NDC80: variants seen among roughly 807,000 people sequenced by gnomAD.
NDC80 encodes kinetochore protein NDC80 homolog.
NDC80 carries 69 observed loss-of-function variants against 89.3 expected under a neutral mutation model. The ratio of observed to expected loss-of-function variants is 0.77; its 90% confidence interval spans 0.64 to 0.94. The LOEUF (loss-of-function observed/expected upper bound fraction) is 0.94, where lower values mean the gene tolerates loss of function less well. NDC80 is among the 40% of genes least tolerant of loss of function. The probability of loss-of-function intolerance (pLI) is 0.00; values close to 1 mark genes in which losing one functional copy is unlikely to be tolerated. For synonymous variants in NDC80, 243 were observed against 255.6 expected, an observed-to-expected ratio of 0.95 and a Z score of 0.47; for missense variants, 593 against 739.6, an observed-to-expected ratio of 0.80 and a Z score of 2.30.
intron 14 of NDC80, among the ~76,000 whole-genome samples, chr18:2,607,943 T>A (rs1170745111): frequency 2.1e-5 from 3 of 140,308 alleles, no homozygotes; most frequent in Non-Finnish European, 4.6e-5. Flanking sequence ...TCTATTGTGT[T>A]TTTATTTTAC....
In NDC80 at chr18:2,610,835, G is replaced by T. The variant is rs1409981335; in HGVS notation, c.1765G>T (p.Val589Phe). The T allele has an allele frequency of 6.9e-6, 11 of 1,584,110 alleles. No individual in the cohort carries two copies. The highest frequency in any genetic ancestry group is 9.5e-6 in the Non-Finnish European group (11 of 1,159,136). Residue 589 changes from valine to phenylalanine, a missense_variant, in exon 16 of 17, where the codon GTT (valine) becomes TTT (phenylalanine). Coordinates refer to ENST00000261597, the MANE Select transcript of NDC80 (RefSeq NM_006101.3). ...GNNLQRLLEMVATHVGSVEKH... is the reference protein window; with the variant it reads ...GNNLQRLLEMFATHVGSVEKH... ...TAACTTGCAACGTCTGTTAGAGATG[G>T]TTGCTACACATGTTGGGTCTGTAGA...
chr18:2,605,274 A>ATGTG (rs60324126), intron 13 of NDC80, among the ~76,000 whole-genome samples: 3,776 of 127,024 alleles, frequency 0.03, 67 homozygotes, highest in Non-Finnish European at 0.037. Flanking sequence ...GGCTATATGT[A>ATGTG]TGTGTGTGTG....
At chr18:2,610,280 A>C (rs1200059343) in intron 15 of NDC80, among the ~76,000 whole-genome samples, 5 of 152,188 alleles carry the variant, frequency 3.3e-5, no homozygotes, top group African/African-American at 1.2e-4. Context: ...AAAATTTTCT[A>C]TTTTGAGATT....
chr18:2,605,785 C>G (rs1315455081), intron 13 of NDC80, among the ~76,000 whole-genome samples: 1 of 152,046 alleles, frequency 6.6e-6, no homozygotes, highest in Non-Finnish European at 1.5e-5. Context: ...ACAGTTTCCT[C>G]TTGGTATAGC....
At chr18:2,604,049 A>G (rs559415677) in intron 13 of NDC80, among the ~76,000 whole-genome samples, 20 of 152,302 alleles carry the variant, frequency 1.3e-4, no homozygotes, top group Non-Finnish European at 2.1e-4. Flanking sequence ...TAAATATTTG[A>G]AACTGAAATT....
rs1160070723 is a variant in NDC80 at position 2,606,940 on chromosome 18, G to A, written c.1557+433G>A. Among the ~76,000 whole-genome samples, 7 of 151,954 alleles carry A rather than the reference G, an allele frequency of 4.6e-5. No individual in the cohort carries two copies. The South Asian group carries it at 6.2e-4, about 14-fold the overall frequency. Reference sequence around the variant, plus strand: ...TGGTCAAATTCCAAAGACTGTTTACGTGCAATCTAGAAGGTGGGTAAAATA... The same window carrying A: ...TGGTCAAATTCCAAAGACTGTTTACATGCAATCTAGAAGGTGGGTAAAATA... On this transcript the variant is annotated intron_variant, in intron 14 of 16. Coordinates refer to ENST00000261597, the MANE Select transcript of NDC80 (RefSeq NM_006101.3).
At position 2,603,351 on chromosome 18, in the gene NDC80, T is replaced by TTATATATATATATATATATATATATATA. The variant is rs1179070812; in HGVS notation, c.1464+1870_1464+1871insTATATATATATATATATATATATATATA. ...TGGAGAACAACAGAAGAGAATATGTTTATACATATATATATATATATATAT... is the reference window on the plus strand; with the variant it reads ...TGGAGAACAACAGAAGAGAATATGTTTATATATATATATATATATATATATATATATACATATATATATATATATATAT... On this transcript the variant is annotated intron_variant, in intron 13 of 16. Coordinates refer to ENST00000261597, the MANE Select transcript of NDC80 (RefSeq NM_006101.3). Among the ~76,000 whole-genome samples the TTATATATATATATATATATATATATATA allele has an allele frequency of 3.7e-4, 30 of 80,916 alleles. 1 individual carries two copies. Among genetic ancestry groups the TTATATATATATATATATATATATATATA allele is most frequent in the African/African-American group, 1.4e-3 (28 of 19,920 alleles). 53.1% of individuals were successfully genotyped at this position (80,916 alleles called of 152,430 possible). A position where few individuals can be genotyped will look rare whatever the true frequency, so the allele number is the denominator to read the frequency against.
In NDC80 at chr18:2,607,838, A is replaced by G. The variant is rs181671455; in HGVS notation, c.1558-862A>G. Among the ~76,000 whole-genome samples the G allele has an allele frequency of 6.1e-3, 906 of 149,372 alleles. 13 individuals are homozygous for G. The highest frequency in any genetic ancestry group is 0.022 in the African/African-American group (858 of 39,800). The stretch of plus-strand genomic sequence containing the variant: ...AGATATACAAACATATATTTTTTTA[A>G]TGGTACCAAATTATACATAGTTTTT... On this transcript the variant is annotated intron_variant, in intron 14 of 16. Coordinates refer to ENST00000261597, the MANE Select transcript of NDC80 (RefSeq NM_006101.3).
At chr18:2,578,227 C>A in intron 5 of NDC80, 86 bp downstream of exon 5, 1 of 1,324,348 alleles carries the variant, frequency 7.6e-7, no homozygotes, top group Non-Finnish European at 1.0e-6. Context: ...GTTTGAGTTA[C>A]AGAAATAATA....
intron 6 of NDC80, among the ~76,000 whole-genome samples, chr18:2,581,264 G>A (rs1366896082): frequency 1.3e-5 from 2 of 152,100 alleles, no homozygotes; most frequent in Non-Finnish European, 2.9e-5. Flanking sequence ...GCTTCTTTGT[G>A]CTGTGTTTAA....
At chr18:2,572,403 T>C (rs548156209) in intron 1 of NDC80, among the ~76,000 whole-genome samples, 2 of 152,276 alleles carry the variant, frequency 1.3e-5, no homozygotes, top group African/African-American at 4.8e-5. Context: ...ATAGACCATT[T>C]TATGGACCGG....
chr18:2,607,997 A>ATATATATATG (rs1017573956), intron 14 of NDC80, among the ~76,000 whole-genome samples: 1 of 133,330 alleles, frequency 7.5e-6, no homozygotes, highest in African/African-American at 2.8e-5. Context: ...ATATATATAT[A>ATATATATATG]TAACTTATTT....
intron 1 of NDC80, 86 bp from the exon 2 acceptor site, chr18:2,572,891 T>C (rs766117106): frequency 3.4e-5 from 31 of 922,184 alleles, no homozygotes; most frequent in Non-Finnish European, 5.0e-5. Flanking sequence ...GAAACCTGAC[T>C]GTCTTTCTGT....
chr18:2,602,815 G>A (rs2072690929), intron 13 of NDC80, among the ~76,000 whole-genome samples: 3 of 152,092 alleles, frequency 2.0e-5, no homozygotes. Context: ...AAACCCTTTG[G>A]GCTACAGGAA....
chr18:2,573,106 T>C lies in NDC80; in HGVS notation c.101+20T>C. 6.3e-7 allele frequency: 1 copy of C among 1,576,768 alleles called. No homozygotes were observed. Among genetic ancestry groups the C allele is most frequent in the Non-Finnish European group, 8.7e-7 (1 of 1,152,766 alleles). On this transcript the variant is annotated intron_variant, in intron 2 of 16. Transcript: ENST00000261597. ...TCAAACGTGAGTATTTCCCTTGTGG[T>C]TCTAATTTGCATGCTTTATCATCTT...
intron 2 of NDC80, among the ~76,000 whole-genome samples, chr18:2,574,278 G>A (rs902761277): frequency 2.0e-5 from 3 of 152,152 alleles, no homozygotes; most frequent in African/African-American, 7.2e-5. Flanking sequence ...AGCTAAATGG[G>A]AGGAATAAGT....
chr18:2,612,491 G>A (rs1732167337), intron 16 of NDC80, among the ~76,000 whole-genome samples: 1 of 151,762 alleles, frequency 6.6e-6, no homozygotes, highest in African/African-American at 2.4e-5. Context: ...GTTTCACCAT[G>A]TTGGCCAGGC....
At chr18:2,599,334 A>G (rs2072672783) in intron 12 of NDC80, among the ~76,000 whole-genome samples, 163 bp downstream of exon 12, 1 of 152,126 alleles carries the variant, frequency 6.6e-6, no homozygotes, top group Admixed American at 6.6e-5. Context: ...CTATCCAGTA[A>G]AAAAAATTGA....
rs60195684 is a variant in NDC80, at chr18:2,610,858, A to G, written c.1788A>G (p.Val596=). ...TGGTTGCTACACATGTTGGGTCTGT[A>G]GAGGTAAGTATGTGATGGTCTTTCC... ...LEMVATHVGS[V]EKHLEEQIAK... is the part of the protein sequence containing the mutation. Residue 596 remains valine, a synonymous_variant, in exon 16 of 17, where the codon GTA becomes GTG. Transcript: ENST00000261597. The G allele has an allele frequency of 5.6e-5, 85 of 1,528,798 alleles. No individual in the cohort carries two copies. In the African/African-American group the frequency reaches 1.1e-3, roughly 20 times the overall value. 94.7% of individuals were successfully genotyped at this position (1,528,798 alleles called of 1,614,324 possible).
Sources: gnomAD v4.1 joint callset for allele counts (sites outside exome capture counted in the v4.1 genomes callset) on GRCh38, gnomAD v4.1.1 for gene constraint, MANE v1.5 for transcripts, NCBI Gene and HGNC (gene_info 2026-07-23, HGNC 2026-07-21) for gene names.